Variants in TRIM51 observed in about 807,000 individuals in gnomAD.
The protein encoded by TRIM51 is tripartite motif-containing protein 51.
In TRIM51, 23 loss-of-function variants were observed where a neutral mutation model predicts 32.7. The observed-to-expected ratio is 0.70, with a 90% CI of 0.51 to 1.00. TRIM51 has a LOEUF of 1.00. TRIM51 is among the 50% of genes least tolerant of loss of function. The probability of loss-of-function intolerance (pLI) is 0.00; values close to 1 mark genes in which losing one functional copy is unlikely to be tolerated. For synonymous variants in TRIM51, 177 were observed against 181.9 expected (o/e 0.97, Z 0.22); for missense variants, 592 against 539.2 (o/e 1.10, Z -0.97).
chr11:55,891,442 G>C lies in TRIM51; in HGVS notation c.1169G>C (p.Ser390Thr), dbSNP rs778213184. ...TGTGTTAAGGAGGACACTCACTGCA[G>C]TCTCTTTACCACCTCCCCACTTGTG... ...LGCVKEDTHC[S>T]LFTTSPLVVQ... The change falls in exon 7 of 7, where the codon AGT (serine) becomes ACT (threonine). Residue 390 changes from serine (S) to threonine (T), a missense_variant. Coordinates refer to ENST00000449290, the MANE Select transcript of TRIM51 (RefSeq NM_032681.4). 18 of 1,612,904 alleles carry C rather than the reference G, an allele frequency of 1.1e-5. No individual in the cohort carries two copies. The Admixed American group carries it at 2.7e-4, about 24-fold the overall frequency.
rs182839353 is a variant in TRIM51, at chr11:55,885,491, C to G, written c.63C>G (p.Tyr21Ter). The G allele has an allele frequency of 2.2e-3, 3,561 of 1,611,988 alleles. 67 individuals are homozygous for G. In the African/African-American group the frequency reaches 0.041, roughly 18 times the overall value. Residue 21 changes from tyrosine to a stop codon, truncating the protein, a stop_gained, in exon 2 of 7, where the codon TAC (tyrosine) becomes TAG (stop). Coordinates refer to ENST00000449290, the MANE Select transcript of TRIM51 (RefSeq NM_032681.4). LOFTEE classifies it high-confidence loss of function. ...TCACCTGTCCCATCTGCATGAACTA[C>G]TTCCTAGACCCAGTCACCATAGACT... ...RALTCPICMN[Y>*]FLDPVTIDCG...
Position 55,883,396 on chromosome 11 carries a change from T to C in TRIM51, c.-5+12T>C, listed in dbSNP as rs1222881089. 6.6e-6 allele frequency: 1 copy of C among 152,180 alleles called. No individual in the cohort carries two copies. The highest frequency in any genetic ancestry group is 1.5e-5 in the Non-Finnish European group (1 of 68,022). The allele number at this position is 152,180 out of a possible 1,614,324, so 9.4% of individuals were successfully genotyped here. A position where few individuals can be genotyped will look rare whatever the true frequency, so the allele number is the denominator to read the frequency against. ...CATAGAACCTTGGGGTGAGTGCAACTTCTATGGAGAAAATTATTTCTCTCT... is the reference window on the plus strand; with the variant it reads ...CATAGAACCTTGGGGTGAGTGCAACCTCTATGGAGAAAATTATTTCTCTCT... On this transcript the variant is annotated intron_variant, in intron 1 of 6. Transcript: ENST00000449290.
At chr11:55,891,009 T>A in intron 6 of TRIM51, 124 bp from the exon 7 acceptor site, 1 of 690,140 alleles carries the variant, frequency 1.4e-6, no homozygotes, top group Non-Finnish European at 2.4e-6. Context: ...TAGTCACAAT[T>A]CTCCTGTCCT....
chr11:55,886,660 A>T (rs2134535957), intron 3 of TRIM51, among the ~76,000 whole-genome samples: 1 of 152,334 alleles, frequency 6.6e-6, no homozygotes, highest in Non-Finnish European at 1.5e-5. Flanking sequence ...GCAAGAGCAC[A>T]ACCTTAGAGA....
Position 55,886,171 on chromosome 11 carries a change from A to G in TRIM51, c.460A>G (p.Asn154Asp). ...GTCTTTATGGGAAAAAGCTTGTGAA[A>G]ATCTCAGAAATCTGAACATGGAAAC... ...MQSLWEKACE[N>D]LRNLNMETTR... The change falls in exon 3 of 7, where the codon AAT (asparagine) becomes GAT (aspartate). Residue 154 changes from asparagine to aspartate, a missense_variant. Asn to Asp is a conservative substitution (Grantham distance 23). Transcript: ENST00000449290. 1.2e-6 allele frequency: 2 copies of G among 1,613,594 alleles called. No homozygotes were observed. Among genetic ancestry groups the G allele is most frequent in the African/African-American group, 2.7e-5 (2 of 74,996 alleles).
chr11:55,884,157 C>A (rs28496248), intron 1 of TRIM51, among the ~76,000 whole-genome samples: 24 of 61,548 alleles, frequency 3.9e-4, no homozygotes, highest in East Asian at 1.9e-3. Flanking sequence ...ATAACTATAA[C>A]TATATATATA....
At chr11:55,886,583 G>T (rs1330895845) in intron 3 of TRIM51, among the ~76,000 whole-genome samples, 1 of 152,184 alleles carries the variant, frequency 6.6e-6, no homozygotes, top group Non-Finnish European at 1.5e-5. Flanking sequence ...CTAAGGCTGA[G>T]TCAGTATGAA....
Position 55,888,136 on chromosome 11 carries a change from G to A in TRIM51, c.612G>A (p.Glu204=), listed in dbSNP as rs1854600848. 3 of 1,613,572 alleles carry A rather than the reference G, an allele frequency of 1.9e-6. No homozygotes were observed. The highest frequency in any genetic ancestry group is 2.5e-6 in the Non-Finnish European group (3 of 1,179,680). Residue 204 remains glutamate, a synonymous_variant, in exon 4 of 7, where the codon GAG becomes GAA. Coordinates refer to ENST00000449290, the MANE Select transcript of TRIM51 (RefSeq NM_032681.4). ...EQHHLERLRK[E]GEDIFQQLNE... is the part of the protein sequence containing the mutation. Reference sequence around the variant, plus strand: ...ATCACTTGGAAAGGCTGCGAAAGGAGGGCGAGGACATTTTTCAGCAACTCA... The same window carrying A: ...ATCACTTGGAAAGGCTGCGAAAGGAAGGCGAGGACATTTTTCAGCAACTCA...
intron 1 of TRIM51, among the ~76,000 whole-genome samples, chr11:55,884,942 G>A (rs1854555532): frequency 6.6e-6 from 1 of 151,064 alleles, no homozygotes; most frequent in Non-Finnish European, 1.5e-5. Flanking sequence ...GTTTGTTCTG[G>A]GGTTGTTTTT....
chr11:55,888,925 G>A (rs2134539610), intron 4 of TRIM51, 54 bp from the exon 5 acceptor site: 1 of 1,527,336 alleles, frequency 6.5e-7, no homozygotes. Flanking sequence ...TGAACTTACT[G>A]GAAGATGCAT....
intron 1 of TRIM51, among the ~76,000 whole-genome samples, chr11:55,883,716 G>T (rs900394505): frequency 3.9e-5 from 6 of 152,026 alleles, no homozygotes; most frequent in Non-Finnish European, 8.8e-5. Flanking sequence ...AGTAAAAAAG[G>T]ATAATTATTG....
Position 55,891,142 on chromosome 11 carries a change from C to T in TRIM51, c.869C>T (p.Thr290Ile), listed in dbSNP as rs546009744. 6.8e-4 allele frequency: 1,080 copies of T among 1,598,362 alleles called. 10 individuals are homozygous for T. In the South Asian group the frequency reaches 0.011, roughly 17 times the overall value. Residue 290 changes from threonine to isoleucine, a missense_variant, in exon 7 of 7, where the codon ACT becomes ATT. Thr to Ile is a moderately conservative substitution (Grantham distance 89). Transcript: ENST00000449290. ...AAAATTATTTTTGCAGTTGATTTTA[C>T]TCTGCAGCCTGAAAGAGCCAATAGT... ...DSLSGFRVDF[T>I]LQPERANSHI...
At chr11:55,883,890 T>C (rs1854539967) in intron 1 of TRIM51, among the ~76,000 whole-genome samples, 1 of 152,034 alleles carries the variant, frequency 6.6e-6, no homozygotes, top group East Asian at 1.9e-4. Flanking sequence ...GATAACTGTA[T>C]AAGGAATGAT....
At chr11:55,889,215 T>A (rs575227604) in intron 5 of TRIM51, among the ~76,000 whole-genome samples, 59 of 151,412 alleles carry the variant, frequency 3.9e-4, no homozygotes, top group Middle Eastern at 3.4e-3. Context: ...AGCAAAAAAA[T>A]AAATAAATAA....
intron 5 of TRIM51, among the ~76,000 whole-genome samples, chr11:55,889,231 T>TAAAA (rs1439834812): frequency 6.6e-6 from 1 of 151,690 alleles, no homozygotes. Context: ...AATAAATAAA[T>TAAAA]AAAACAAAAA....
chr11:55,888,314 G>A (rs1317529642), intron 4 of TRIM51, 52 bp downstream of exon 4: 4 of 1,365,520 alleles, frequency 2.9e-6, no homozygotes, highest in Admixed American at 3.4e-5. Context: ...ATACATGGGT[G>A]TTTTTCCTCT....
chr11:55,885,334 A>G lies in TRIM51; in HGVS notation c.-4-91A>G, dbSNP rs180902388. Reference sequence around the variant, plus strand: ...TGTTCCGCTTTAATGAGCACTGTCAAGAAGAAAATATAGCTATCACATATC... The same window carrying G: ...TGTTCCGCTTTAATGAGCACTGTCAGGAAGAAAATATAGCTATCACATATC... On this transcript the variant is annotated intron_variant, in intron 1 of 6. Coordinates refer to ENST00000449290, the MANE Select transcript of TRIM51 (RefSeq NM_032681.4). The G allele has an allele frequency of 1.5e-3, 2,044 of 1,348,996 alleles. 7 individuals are homozygous for G. Among genetic ancestry groups the G allele is most frequent in the Non-Finnish European group, 1.9e-3 (1,811 of 949,758 alleles). 83.6% of individuals were successfully genotyped at this position (1,348,996 alleles called of 1,614,324 possible). A position where few individuals can be genotyped will look rare whatever the true frequency, so the allele number is the denominator to read the frequency against.
intron 4 of TRIM51, among the ~76,000 whole-genome samples, chr11:55,888,642 C>G (rs1044510695): frequency 1.3e-5 from 2 of 152,090 alleles, no homozygotes; most frequent in Admixed American, 1.3e-4. Flanking sequence ...TAGGATCACA[C>G]TAATATTATT....
chr11:55,886,119 G>T lies in TRIM51; in HGVS notation c.412-4G>T, dbSNP rs1854574212. 6.2e-7 allele frequency: 1 copy of T among 1,612,326 alleles called. No individual in the cohort carries two copies. The highest frequency in any genetic ancestry group is 8.5e-7 in the Non-Finnish European group (1 of 1,178,970). ...TTGTGCTTCAATTCGTGGCTGTTTT[G>T]CAGGAGGAGCTCCTAAAAAAAATGC... is the stretch of plus-strand genomic sequence containing the variant. On this transcript the variant is annotated splice_region_variant and splice_polypyrimidine_tract_variant and intron_variant, in intron 2 of 6. Transcript: ENST00000449290.
Sources: gnomAD v4.1 joint callset for allele counts (sites outside exome capture counted in the v4.1 genomes callset) on GRCh38, gnomAD v4.1.1 for gene constraint, MANE v1.5 for transcripts, NCBI Gene and HGNC (gene_info 2026-07-23, HGNC 2026-07-21) for gene names.